Variants in PARVA observed in about 807,000 individuals in gnomAD.
PARVA encodes the protein parvin alpha.
In PARVA, 25 loss-of-function variants were observed where a neutral mutation model predicts 52.6. That is an observed-to-expected ratio of 0.48 (90% CI 0.35 to 0.66). PARVA has a LOEUF of 0.66. PARVA is among the 30% of genes least tolerant of loss of function. PARVA has a pLI of 0.01. For missense variants in PARVA, 373 were observed against 450.9 expected (o/e 0.83, Z 1.56); for synonymous variants, 185 against 179.1 (o/e 1.03, Z -0.26).
intron 1 of PARVA, among the ~76,000 whole-genome samples, chr11:12,450,781 T>C (rs757300930): frequency 6.6e-6 from 1 of 152,154 alleles, no homozygotes; most frequent in African/African-American, 2.4e-5. Flanking sequence ...TGGAGTCTGA[T>C]GTTTGAGGGC....
intron 1 of PARVA, among the ~76,000 whole-genome samples, chr11:12,409,577 T>C (rs1023329382): frequency 6.6e-6 from 1 of 152,070 alleles, no homozygotes; most frequent in Admixed American, 6.5e-5. Context: ...TATGGAAGAA[T>C]GGCCATGAAG....
At chr11:12,377,967 C>T (rs1939427101) in intron 1 of PARVA, among the ~76,000 whole-genome samples, 184 bp downstream of exon 1, 1 of 148,210 alleles carries the variant, frequency 6.7e-6, no homozygotes, top group South Asian at 2.1e-4. Context: ...CCACACTGAG[C>T]CCGGGGCTCG....
chr11:12,403,239 A>G (rs1025894258), intron 1 of PARVA, among the ~76,000 whole-genome samples: 1 of 152,134 alleles, frequency 6.6e-6, no homozygotes, highest in African/African-American at 2.4e-5. Context: ...CCTATTTATC[A>G]TAATAGGAGG....
intron 1 of PARVA, among the ~76,000 whole-genome samples, chr11:12,378,988 G>C (rs1346534720): frequency 6.6e-6 from 1 of 152,160 alleles, no homozygotes; most frequent in African/African-American, 2.4e-5. Context: ...GCAGCCTGGG[G>C]CTGCTGGTTG....
At chr11:12,487,955 CTGTT>C (rs1335642386) in intron 4 of PARVA, among the ~76,000 whole-genome samples, 1 of 152,174 alleles carries the variant, frequency 6.6e-6, no homozygotes, top group Non-Finnish European at 1.5e-5. Context: ...TGAATTTTCT[CTGTT>C]TGTATATTAT....
intron 1 of PARVA, among the ~76,000 whole-genome samples, chr11:12,427,275 G>A (rs1225599310): frequency 6.6e-6 from 1 of 152,214 alleles, no homozygotes; most frequent in East Asian, 1.9e-4. Flanking sequence ...ATGAGATAAT[G>A]AAATTGGTCA....
chr11:12,467,008 T>C lies in PARVA; in HGVS notation c.137-6737T>C, dbSNP rs147636413. Among the ~76,000 whole-genome samples the C allele has an allele frequency of 5.3e-5, 8 of 152,340 alleles. No individual in the cohort carries two copies. In the East Asian group the frequency reaches 1.5e-3, roughly 29 times the overall value. ...TTGAAATCTTAAGTTTTCCAGTCCA[T>C]GAACACTGAATATCTCTTCCTTTAT... On this transcript the variant is annotated intron_variant, in intron 1 of 12. Coordinates refer to ENST00000334956, the MANE Select transcript of PARVA (RefSeq NM_018222.5).
chr11:12,377,416 G>C (rs181030528), upstream of PARVA: 1 of 1,368,992 alleles, frequency 7.3e-7, no homozygotes, highest in African/African-American at 1.5e-5. Context: ...GGCAACCCAG[G>C]GGCGCAAGGC....
intron 1 of PARVA, among the ~76,000 whole-genome samples, chr11:12,382,656 G>T (rs1408453148): frequency 1.3e-5 from 2 of 152,030 alleles, no homozygotes; most frequent in Non-Finnish European, 2.9e-5. Flanking sequence ...GTTTTCATAA[G>T]AAAAAACAGT....
At chr11:12,485,416 G>A (rs1941145067) in intron 4 of PARVA, among the ~76,000 whole-genome samples, 1 of 152,128 alleles carries the variant, frequency 6.6e-6, no homozygotes, top group African/African-American at 2.4e-5. Context: ...TAGACCTGGG[G>A]CAGGGAATGT....
At chr11:12,377,532 T>G (rs968832228), upstream of PARVA, 9 of 1,451,014 alleles carry the variant, frequency 6.2e-6, no homozygotes, top group Non-Finnish European at 8.3e-6. Flanking sequence ...CCTCAAATGC[T>G]TGGAATAATT....
At chr11:12,422,227 C>A (rs1457425368) in intron 1 of PARVA, among the ~76,000 whole-genome samples, 2 of 152,136 alleles carry the variant, frequency 1.3e-5, no homozygotes, top group African/African-American at 4.8e-5. Flanking sequence ...TAACCCATTT[C>A]TCTGTGGTTG....
At chr11:12,481,641 AC>A (rs1297534404) in intron 4 of PARVA, among the ~76,000 whole-genome samples, 3 of 152,178 alleles carry the variant, frequency 2.0e-5, no homozygotes, top group African/African-American at 4.8e-5. Flanking sequence ...AAACATCTGT[AC>A]CTAGGTACAG....
intron 1 of PARVA, among the ~76,000 whole-genome samples, chr11:12,432,605 A>G (rs1467297887): frequency 6.6e-6 from 1 of 152,244 alleles, no homozygotes; most frequent in Non-Finnish European, 1.5e-5. Context: ...TTGGCAAGTC[A>G]ACAGAACCAA....
chr11:12,497,907 T>C (rs1039645794), intron 5 of PARVA, among the ~76,000 whole-genome samples: 2 of 152,184 alleles, frequency 1.3e-5, no homozygotes, highest in African/African-American at 4.8e-5. Context: ...GGTTTGATCC[T>C]ATCTCCCGCT....
At chr11:12,516,109 G>A (rs761189211) in intron 10 of PARVA, among the ~76,000 whole-genome samples, 2 of 152,216 alleles carry the variant, frequency 1.3e-5, no homozygotes, top group African/African-American at 2.4e-5. Flanking sequence ...AAAGTGCTGC[G>A]ATTACAGGCA....
rs1413331493 is a variant in PARVA, at chr11:12,531,534, C to T, written c.*3609C>T. ...ATAATCCACTCCCCACAAATTATCA[C>T]TCATTTATTTTTCCACTGGAAAATA... On this transcript the variant is annotated 3_prime_UTR_variant, in exon 13 of 13. Coordinates refer to ENST00000334956, the MANE Select transcript of PARVA (RefSeq NM_018222.5). Among the ~76,000 whole-genome samples, 1 of 152,094 alleles carries T rather than the reference C, an allele frequency of 6.6e-6. No homozygotes were observed. The highest frequency in any genetic ancestry group is 1.5e-5 in the Non-Finnish European group (1 of 68,028).
chr11:12,498,220 G>C (rs1334449560), intron 5 of PARVA, among the ~76,000 whole-genome samples: 2 of 151,950 alleles, frequency 1.3e-5, no homozygotes, highest in African/African-American at 4.8e-5. Context: ...TATTTTACTA[G>C]AGACAGGGTT....
intron 1 of PARVA, among the ~76,000 whole-genome samples, chr11:12,462,058 T>C (rs972070794): frequency 1.3e-5 from 2 of 152,126 alleles, no homozygotes; most frequent in Non-Finnish European, 2.9e-5. Context: ...AGGGACTGGG[T>C]TGGGGGGTGC....
Sources: allele counts gnomAD v4.1 joint callset (sites outside exome capture counted in the v4.1 genomes callset), GRCh38; gene constraint gnomAD v4.1.1; transcripts MANE v1.5; gene names NCBI Gene and HGNC (gene_info 2026-07-23, HGNC 2026-07-21).